NEGR1: variants seen among roughly 807,000 people sequenced by gnomAD.
NEGR1 encodes IgLON family member 4.
A neutral mutation model predicts 40.9 loss-of-function variants in NEGR1; 10 were observed. That is an observed-to-expected ratio of 0.24 (90% CI 0.15 to 0.42). The LOEUF (loss-of-function observed/expected upper bound fraction) is 0.42, where lower values mean the gene tolerates loss of function less well. Among genes scored for constraint, NEGR1 ranks in the 10% least tolerant of loss-of-function variants. NEGR1 has a pLI of 1.00. For synonymous variants in NEGR1, 185 were observed against 166.8 expected (o/e 1.11, Z -0.84); for missense variants, 352 against 438.9 (o/e 0.80, Z 1.77).
At chr1:72,071,325 TCTA>T (rs1246048969) in intron 1 of NEGR1, among the ~76,000 whole-genome samples, 1 of 152,152 alleles carries the variant, frequency 6.6e-6, no homozygotes, top group African/African-American at 2.4e-5. Flanking sequence ...TAATGTATAT[TCTA>T]CTAATTCTAC....
chr1:71,972,845 C>T (rs535599700), intron 1 of NEGR1, among the ~76,000 whole-genome samples: 102 of 152,146 alleles, frequency 6.7e-4, no homozygotes, highest in Non-Finnish European at 1.3e-3. Flanking sequence ...ATATTGTATA[C>T]GTTAGTTTTA....
At chr1:71,476,155 C>T (rs1646818825) in intron 6 of NEGR1, among the ~76,000 whole-genome samples, 1 of 151,908 alleles carries the variant, frequency 6.6e-6, no homozygotes, top group Non-Finnish European at 1.5e-5. Context: ...TCAATCTTTC[C>T]TGATATCAAC....
intron 1 of NEGR1, among the ~76,000 whole-genome samples, chr1:72,175,040 A>G (rs1410292946): frequency 1.3e-5 from 2 of 152,018 alleles, no homozygotes; most frequent in African/African-American, 4.8e-5. Context: ...ATATGTATAC[A>G]TGTGCCATGC....
intron 1 of NEGR1, among the ~76,000 whole-genome samples, chr1:71,980,493 A>G (rs1646345116): frequency 6.6e-6 from 1 of 152,166 alleles, no homozygotes. Flanking sequence ...TCGGTTAAAT[A>G]TGACTCTATA....
chr1:71,523,994 A>T (rs945513652), intron 6 of NEGR1, among the ~76,000 whole-genome samples: 2 of 151,572 alleles, frequency 1.3e-5, no homozygotes, highest in Non-Finnish European at 3.0e-5. Flanking sequence ...CATTTAAACA[A>T]TTTTTTTTCA....
chr1:72,116,983 G>A (rs1487645161), intron 1 of NEGR1, among the ~76,000 whole-genome samples: 1 of 151,682 alleles, frequency 6.6e-6, no homozygotes, highest in African/African-American at 2.4e-5. Context: ...TCTTATCTGA[G>A]CTTATTATTG....
chr1:72,077,246 G>A (rs6685609), intron 1 of NEGR1, among the ~76,000 whole-genome samples: 3,745 of 151,990 alleles, frequency 0.025, 148 homozygotes, highest in African/African-American at 0.085. Flanking sequence ...TATGCAACCG[G>A]AGCACTCATG....
chr1:71,721,834 G>C (rs1654521238), intron 3 of NEGR1, among the ~76,000 whole-genome samples: 1 of 152,130 alleles, frequency 6.6e-6, no homozygotes, highest in South Asian at 2.1e-4. Context: ...AGTCATTTAA[G>C]TGGAGACCTT....
chr1:72,162,386 C>T (rs1353788158), intron 1 of NEGR1, among the ~76,000 whole-genome samples: 3 of 151,996 alleles, frequency 2.0e-5, no homozygotes, highest in East Asian at 1.9e-4. Context: ...TGCTTGAACC[C>T]GGGAGGCAGA....
At chr1:71,531,926 A>G (rs1553148562) in intron 6 of NEGR1, among the ~76,000 whole-genome samples, 1 of 150,534 alleles carries the variant, frequency 6.6e-6, no homozygotes, top group Non-Finnish European at 1.5e-5. Flanking sequence ...TTTTTTTTTC[A>G]TTTCTAAAAC....
At chr1:71,785,884 T>A (rs1157080670) in intron 2 of NEGR1, among the ~76,000 whole-genome samples, 1 of 152,194 alleles carries the variant, frequency 6.6e-6, no homozygotes, top group Non-Finnish European at 1.5e-5. Context: ...TCAGGTTCAA[T>A]ATACATATTC....
chr1:71,621,084 T>A (rs1426684858), intron 4 of NEGR1, among the ~76,000 whole-genome samples: 1 of 151,964 alleles, frequency 6.6e-6, no homozygotes, highest in African/African-American at 2.4e-5. Flanking sequence ...TGCTTCCTTT[T>A]AAGGGCATGG....
chr1:72,180,417 A>C, intron 1 of NEGR1, among the ~76,000 whole-genome samples: 1 of 135,280 alleles, frequency 7.4e-6, no homozygotes, highest in African/African-American at 2.5e-5. Context: ...GTGATATTTA[A>C]AAAAAAAAAT....
At chr1:72,236,932 T>C (rs992189757) in intron 1 of NEGR1, among the ~76,000 whole-genome samples, 1 of 151,998 alleles carries the variant, frequency 6.6e-6, no homozygotes, top group Non-Finnish European at 1.5e-5. Flanking sequence ...CCATTTTGTA[T>C]TATTGAGGAT....
chr1:71,808,765 A>T (rs1030168443), intron 2 of NEGR1, among the ~76,000 whole-genome samples: 4 of 151,994 alleles, frequency 2.6e-5, no homozygotes, highest in African/African-American at 9.7e-5. Flanking sequence ...AAAATGAGAC[A>T]TTTTTTTTCA....
intron 6 of NEGR1, among the ~76,000 whole-genome samples, chr1:71,502,800 T>C (rs1232010684): frequency 6.6e-6 from 1 of 152,168 alleles, no homozygotes; most frequent in Non-Finnish European, 1.5e-5. Flanking sequence ...GGCATGTTCA[T>C]AGGTCGAGTG....
At chr1:71,646,519 G>A (rs1474558774) in intron 4 of NEGR1, among the ~76,000 whole-genome samples, 1 of 151,730 alleles carries the variant, frequency 6.6e-6, no homozygotes, top group Non-Finnish European at 1.5e-5. Context: ...TTGATCTTAG[G>A]TTAAAGCTTT....
At position 71,742,471 on chromosome 1, in the gene NEGR1, A is replaced by G. The variant is rs563384527; in HGVS notation, c.535+33701T>C. Reference sequence around the variant, plus strand: ...CCACCACTTCTAGTGAGTCTGGAAAACAAATCATTGAGCTAAAGCAGGCTA... The same window carrying G: ...CCACCACTTCTAGTGAGTCTGGAAAGCAAATCATTGAGCTAAAGCAGGCTA... On this transcript the variant is annotated intron_variant, in intron 3 of 6. Coordinates refer to ENST00000357731, the MANE Select transcript of NEGR1 (RefSeq NM_173808.3). 2.0e-5 allele frequency among the ~76,000 whole-genome samples: 3 copies of G among 152,264 alleles called. No individual in the cohort carries two copies. In the South Asian group the frequency reaches 6.2e-4, roughly 32 times the overall value.
At chr1:72,193,969 T>C (rs545197795) in intron 1 of NEGR1, among the ~76,000 whole-genome samples, 49 of 151,898 alleles carry the variant, frequency 3.2e-4, no homozygotes, top group African/African-American at 1.1e-3. Context: ...ATTAATGATC[T>C]TGATCTAAGG....
Sources: gnomAD v4.1 joint callset for allele counts (sites outside exome capture counted in the v4.1 genomes callset) on GRCh38, gnomAD v4.1.1 for gene constraint, MANE v1.5 for transcripts, NCBI Gene and HGNC (gene_info 2026-07-23, HGNC 2026-07-21) for gene names.